Variants in HS6ST1 observed in about 807,000 individuals in gnomAD.
HS6ST1 encodes the protein heparan-sulfate 6-O-sulfotransferase 1.
A neutral mutation model predicts 25.2 loss-of-function variants in HS6ST1; 3 were observed. The ratio of observed to expected loss-of-function variants is 0.12; its 90% CI spans 0.05 to 0.31. The LOEUF (loss-of-function observed/expected upper bound fraction) is 0.31. Among genes scored for constraint, HS6ST1 ranks in the 10% least tolerant of loss-of-function variants. The pLI is 1.00. For synonymous variants in HS6ST1, 204 were observed against 275.1 expected (o/e 0.74, Z 2.56); for missense variants, 310 against 609.6 (o/e 0.51, Z 5.18).
intron 1 of HS6ST1, among the ~76,000 whole-genome samples, chr2:128,314,871 C>G (rs2104939341): frequency 6.6e-6 from 1 of 152,376 alleles, no homozygotes; most frequent in Non-Finnish European, 1.5e-5. Flanking sequence ...AGGGACATTT[C>G]CAGGGTGGCC....
rs149090057 is a variant in HS6ST1 at position 128,276,432 on chromosome 2, G to A, written c.528-7562C>T. 8.9e-3 allele frequency among the ~76,000 whole-genome samples: 1,358 copies of A among 152,262 alleles called. 9 individuals carry two copies. The highest frequency in any genetic ancestry group is 0.037 in the Middle Eastern group (11 of 294). ...ATGACAGGCGTGAGCCACTGAGCCCGGCCTGTTTTTTTAAAAAAGTGATGA... is the reference window on the plus strand; with the variant it reads ...ATGACAGGCGTGAGCCACTGAGCCCAGCCTGTTTTTTTAAAAAAGTGATGA... On this transcript the variant is annotated intron_variant, in intron 1 of 1. Transcript: ENST00000259241.
In HS6ST1 at chr2:128,278,771, A is replaced by C. The variant is rs559374304; in HGVS notation, c.528-9901T>G. Among the ~76,000 whole-genome samples the C allele has an allele frequency of 1.4e-4, 21 of 152,160 alleles. No individual in the cohort carries two copies. In the South Asian group the frequency reaches 4.0e-3, roughly 29 times the overall value. ...TAAGATATATACATGTTCAGAAAAA[A>C]CACCACCCAGGACAGAAATGGACTA... On this transcript the variant is annotated intron_variant, in intron 1 of 1. Transcript: ENST00000259241.
In HS6ST1 at chr2:128,276,838, G is replaced by A. The variant is rs77391710; in HGVS notation, c.528-7968C>T. 4.2e-3 allele frequency among the ~76,000 whole-genome samples: 634 copies of A among 151,984 alleles called. 1 individual carries two copies. Among genetic ancestry groups the A allele is most frequent in the African/African-American group, 0.015 (612 of 41,444 alleles). On this transcript the variant is annotated intron_variant, in intron 1 of 1. Transcript: ENST00000259241. ...CCTCCAGGCCCAGCAGATTCCAGGC[G>A]TCTTCAGCACTTCCTCTCCCCTCTC...
intron 1 of HS6ST1, among the ~76,000 whole-genome samples, chr2:128,276,538 G>A (rs1255892431): frequency 6.6e-6 from 1 of 152,214 alleles, no homozygotes; most frequent in East Asian, 1.9e-4. Flanking sequence ...AGTGGCTTAC[G>A]TGGTGCTGAT....
intron 1 of HS6ST1, among the ~76,000 whole-genome samples, chr2:128,317,690 A>T (rs569735578): frequency 6.6e-6 from 1 of 152,250 alleles, no homozygotes; most frequent in African/African-American, 2.4e-5. Context: ...CGCGTCCCCA[A>T]GTCCGGCGGG....
chr2:128,313,521 A>G (rs1187684790), intron 1 of HS6ST1, among the ~76,000 whole-genome samples: 1 of 152,074 alleles, frequency 6.6e-6, no homozygotes, highest in African/African-American at 2.4e-5. Context: ...CTTTCCTCCC[A>G]CTCATCTACC....
chr2:128,279,090 G>C (rs531749473), intron 1 of HS6ST1, among the ~76,000 whole-genome samples: 1 of 152,180 alleles, frequency 6.6e-6, no homozygotes, highest in Non-Finnish European at 1.5e-5. Flanking sequence ...GACGGGGCCG[G>C]CCGCACCAGT....
rs370149611 is a variant in HS6ST1, at chr2:128,268,672, C to G, written c.726G>C (p.Pro242=). The G allele has an allele frequency of 6.2e-7, 1 of 1,611,568 alleles. No individual in the cohort carries two copies. The highest frequency in any genetic ancestry group is 1.1e-5 in the South Asian group (1 of 91,002). The change falls in exon 2 of 2, where the codon CCG becomes CCC. Residue 242 remains proline (P), a synonymous_variant. Coordinates refer to ENST00000259241, the MANE Select transcript of HS6ST1 (RefSeq NM_004807.3). The part of the protein sequence containing the change: ...GCTLQEFMDC[P]YNLANNRQVR... ...CCTGGCGGTTGTTGGCCAGGTTGTACGGGCAGTCCATGAACTCCTGTAGCG... is the reference window on the plus strand; with the variant it reads ...CCTGGCGGTTGTTGGCCAGGTTGTAGGGGCAGTCCATGAACTCCTGTAGCG...
intron 1 of HS6ST1, among the ~76,000 whole-genome samples, chr2:128,311,541 G>A (rs1694289608): frequency 6.6e-6 from 1 of 152,204 alleles, no homozygotes; most frequent in Non-Finnish European, 1.5e-5. Flanking sequence ...AGTGGGGATT[G>A]AGCCCAGTCC....
At chr2:128,286,315 A>T (rs1460134141) in intron 1 of HS6ST1, among the ~76,000 whole-genome samples, 1 of 152,176 alleles carries the variant, frequency 6.6e-6, no homozygotes, top group African/African-American at 2.4e-5. Context: ...TCCTGCTCTC[A>T]CAGCATCCTG....
At chr2:128,292,730 G>A (rs1352210067) in intron 1 of HS6ST1, among the ~76,000 whole-genome samples, 2 of 152,078 alleles carry the variant, frequency 1.3e-5, no homozygotes, top group Non-Finnish European at 1.5e-5. Flanking sequence ...CAAATGGCAC[G>A]GGGGGAATGG....
intron 1 of HS6ST1, among the ~76,000 whole-genome samples, chr2:128,307,631 C>T (rs548023399): frequency 5.5e-4 from 84 of 152,166 alleles, no homozygotes; most frequent in Non-Finnish European, 1.0e-3. Flanking sequence ...GTGAACAGGT[C>T]GGTGGAAGAG....
In HS6ST1 at chr2:128,314,962, A is replaced by G. The variant is rs951124004; in HGVS notation, c.527+3075T>C. Among the ~76,000 whole-genome samples the G allele has an allele frequency of 2.0e-5, 3 of 152,172 alleles. No homozygotes were observed. The South Asian group carries it at 6.2e-4, about 32-fold the overall frequency. ...GGAAGGAGGGAGGTTCTGGCTCTGG[A>G]GCACCATCTGGACCCTCTGAGTGAC... On this transcript the variant is annotated intron_variant, in intron 1 of 1. Coordinates refer to ENST00000259241, the MANE Select transcript of HS6ST1 (RefSeq NM_004807.3).
intron 1 of HS6ST1, among the ~76,000 whole-genome samples, chr2:128,285,104 C>T (rs1235001201): frequency 6.6e-6 from 1 of 152,172 alleles, no homozygotes; most frequent in Non-Finnish European, 1.5e-5. Context: ...GTGCCTACTG[C>T]GTGCTCTAGG....
rs1242074114 is a variant in HS6ST1 at position 128,318,841 on chromosome 2, C to G, written c.-278G>C. On this transcript the variant is annotated 5_prime_UTR_variant, in exon 1 of 2. Coordinates refer to ENST00000259241, the MANE Select transcript of HS6ST1 (RefSeq NM_004807.3). This position sits in a 1 kb window ranked among gnomAD's most constrained non-coding sequence, Gnocchi z 5.7. The stretch of plus-strand genomic sequence containing the variant: ...TCCGCGCCCCCAGCACCAGCCCGCT[C>G]CGCTCCACTCCGCGCCGAGAACGCT... 6.8e-6 allele frequency among the ~76,000 whole-genome samples: 1 copy of G among 147,892 alleles called. No individual in the cohort carries two copies. The highest frequency in any genetic ancestry group is 1.5e-5 in the Non-Finnish European group (1 of 66,370).
intron 1 of HS6ST1, among the ~76,000 whole-genome samples, chr2:128,312,923 T>C (rs1333262074): frequency 6.6e-6 from 1 of 151,940 alleles, no homozygotes; most frequent in African/African-American, 2.4e-5. Context: ...ATTAGCCAAG[T>C]GTAGTGACGG....
At position 128,268,744 on chromosome 2, in the gene HS6ST1, A is replaced by C; in HGVS notation, c.654T>G (p.Pro218=). ...LHMCDGRTPT[P]EELPPCYEGT... ...CCTCGTAGCAGGGCGGCAGCTCCTC[A>C]GGCGTGGGCGTGCGCCCATCACACA... The change falls in exon 2 of 2, where the codon CCT becomes CCG. Residue 218 remains proline, a synonymous_variant. Transcript: ENST00000259241. 1.2e-6 allele frequency: 2 copies of C among 1,612,690 alleles called. No individual in the cohort carries two copies. Among genetic ancestry groups the C allele is most frequent in the Non-Finnish European group, 1.7e-6 (2 of 1,179,908 alleles).
rs552236219 is a variant in HS6ST1, at chr2:128,269,580, C to T, written c.528-710G>A. On this transcript the variant is annotated intron_variant, in intron 1 of 1. Transcript: ENST00000259241. Reference sequence around the variant, plus strand: ...GCTCGCTATGACGCTGGGCTGGAGGCGTCAGGACACTGGACAGGTGGGTAA... The same window carrying T: ...GCTCGCTATGACGCTGGGCTGGAGGTGTCAGGACACTGGACAGGTGGGTAA... 1.1e-4 allele frequency among the ~76,000 whole-genome samples: 17 copies of T among 152,354 alleles called. No homozygotes were observed. The East Asian group carries it at 2.3e-3, about 21-fold the overall frequency.
At chr2:128,299,939 G>A (rs527325458) in intron 1 of HS6ST1, among the ~76,000 whole-genome samples, 1 of 152,146 alleles carries the variant, frequency 6.6e-6, no homozygotes, top group African/African-American at 2.4e-5. Context: ...TGGCTCTGGT[G>A]GGCAGAGGGC....
Sources: gnomAD v4.1 joint callset for allele counts (sites outside exome capture counted in the v4.1 genomes callset) on GRCh38, gnomAD v4.1.1 for gene constraint, Gnocchi (gnomAD v3.1) non-coding constraint, MANE v1.5 for transcripts, NCBI Gene and HGNC (gene_info 2026-07-23, HGNC 2026-07-21) for gene names.